Variants in AMMECR1 observed in about 807,000 individuals in gnomAD.
AMMECR1 encodes the protein AMMECR nuclear protein 1.
A neutral mutation model predicts 22.5 loss-of-function variants in AMMECR1; 3 were observed. That is an observed-to-expected ratio of 0.13 (90% CI 0.06 to 0.35). The LOEUF is 0.35. Among genes scored for constraint, AMMECR1 ranks in the 10% least tolerant of loss-of-function variants. The pLI is 1.00. For missense variants in AMMECR1, 235 were observed against 278.7 expected (o/e 0.84, Z 1.12); for synonymous variants, 130 against 116.7 (o/e 1.11, Z -0.74).
chrX:110,400,748 T>C (rs1192831447), intron 2 of AMMECR1, among the ~76,000 whole-genome samples: 2 of 112,051 alleles, frequency 1.8e-5, no homozygotes, highest in Non-Finnish European at 3.8e-5. Flanking sequence ...TAATGTTTTA[T>C]ATTTTATGGC....
chrX:110,335,573 C>T (rs1226617778), intron 2 of AMMECR1, among the ~76,000 whole-genome samples: 1 of 111,723 alleles, frequency 9.0e-6, no homozygotes, highest in African/African-American at 3.3e-5. Context: ...CAGCTTAGCA[C>T]AATGCCCTGA....
chrX:110,251,199 G>GC (rs1569387705), intron 2 of AMMECR1, among the ~76,000 whole-genome samples: 1 of 112,159 alleles, frequency 8.9e-6, no homozygotes, highest in African/African-American at 3.2e-5. Flanking sequence ...ACTGTGGAGC[G>GC]CAATTTCAAA....
intron 5 of AMMECR1, among the ~76,000 whole-genome samples, chrX:110,199,690 T>C (rs1469686383): frequency 9.0e-6 from 1 of 111,108 alleles, no homozygotes; most frequent in Admixed American, 9.6e-5. Flanking sequence ...ATTATTTTCA[T>C]ATCGATCCCA....
At chrX:110,249,745 C>G (rs1465231985) in intron 2 of AMMECR1, among the ~76,000 whole-genome samples, 4 of 111,771 alleles carry the variant, frequency 3.6e-5, no homozygotes. Context: ...ACTGAAAATA[C>G]AAAAATTAGC....
chrX:110,294,375 T>C (rs1212405779), intron 1 of AMMECR1, among the ~76,000 whole-genome samples: 6 of 112,074 alleles, frequency 5.4e-5, no homozygotes, highest in Non-Finnish European at 7.5e-5. Flanking sequence ...TGAAATGTGG[T>C]AAACAAATGC....
At chrX:110,347,971 G>A (rs2068197219) in intron 2 of AMMECR1, among the ~76,000 whole-genome samples, 2 of 111,998 alleles carry the variant, frequency 1.8e-5, no homozygotes, top group Admixed American at 9.5e-5. Flanking sequence ...TGGACCTGTT[G>A]GAAATTGACA....
intron 2 of AMMECR1, among the ~76,000 whole-genome samples, chrX:110,394,764 C>T (rs972203262): frequency 8.9e-6 from 1 of 112,555 alleles, no homozygotes. Flanking sequence ...TTAACCTCTC[C>T]GTGCTTCTGC....
At chrX:110,400,064 T>C (rs2068553681) in intron 2 of AMMECR1, among the ~76,000 whole-genome samples, 1 of 110,356 alleles carries the variant, frequency 9.1e-6, no homozygotes, top group Non-Finnish European at 1.9e-5. Flanking sequence ...CTCTGTGTGC[T>C]TAGAGGACTA....
chrX:110,397,663 C>T (rs2068536940), intron 2 of AMMECR1, among the ~76,000 whole-genome samples: 1 of 111,148 alleles, frequency 9.0e-6, no homozygotes, highest in African/African-American at 3.3e-5. Flanking sequence ...TGGTTTCTCT[C>T]TCCCTTTTGC....
chrX:110,399,656 T>C (rs912536276), intron 2 of AMMECR1, among the ~76,000 whole-genome samples: 81 of 111,933 alleles, frequency 7.2e-4, no homozygotes, highest in African/African-American at 2.6e-3. Context: ...AAATGATTAA[T>C]ATAATCTCAT....
intron 1 of AMMECR1, among the ~76,000 whole-genome samples, chrX:110,280,701 CTCTT>C (rs1185699659): frequency 8.9e-6 from 1 of 111,818 alleles, no homozygotes; most frequent in Non-Finnish European, 1.9e-5. Flanking sequence ...TTTCCTGACA[CTCTT>C]TCTATGGAAA....
At chrX:110,282,282 G>T (rs756761021) in intron 1 of AMMECR1, among the ~76,000 whole-genome samples, 1 of 110,572 alleles carries the variant, frequency 9.0e-6, no homozygotes, top group Non-Finnish European at 1.9e-5. Flanking sequence ...AAAAAATGTG[G>T]CATAGTTGGA....
chrX:110,274,924 C>A (rs184923914), intron 1 of AMMECR1, among the ~76,000 whole-genome samples: 186 of 111,704 alleles, frequency 1.7e-3, no homozygotes, highest in African/African-American at 5.9e-3. Flanking sequence ...TATCTTATTG[C>A]AACCTACTTT....
intron 2 of AMMECR1, among the ~76,000 whole-genome samples, chrX:110,372,630 T>G (rs747125961): frequency 7.1e-5 from 8 of 112,249 alleles, no homozygotes; most frequent in African/African-American, 2.6e-4. Flanking sequence ...TTAACAAGCC[T>G]CTATTATTAG....
At chrX:110,256,652 A>G (rs966209515) in intron 2 of AMMECR1, among the ~76,000 whole-genome samples, 1 of 111,503 alleles carries the variant, frequency 9.0e-6, no homozygotes, top group Non-Finnish European at 1.9e-5. Context: ...AGTGTTTAGC[A>G]TTTAAAGATC....
rs181618548 is a variant in AMMECR1, at chrX:110,251,662, G to A, written c.584+12827C>T. On this transcript the variant is annotated intron_variant, in intron 2 of 5. Transcript: ENST00000262844. ...GAGCCAGAATAAGAACCCAGACAAA[G>A]GCAGTGGCAGTGAGGCTGAAGAGGA... 1.3e-3 allele frequency among the ~76,000 whole-genome samples: 141 copies of A among 112,219 alleles called. 1 individual carries two copies. Among genetic ancestry groups the A allele is most frequent in the African/African-American group, 4.5e-3 (138 of 30,901 alleles).
upstream of AMMECR1, among the ~76,000 whole-genome samples, chrX:110,320,477 A>T (rs890356435): frequency 8.9e-6 from 1 of 112,218 alleles, no homozygotes; most frequent in African/African-American, 3.2e-5. Flanking sequence ...GATACCATGG[A>T]TGGCTGCTTC....
intron 2 of AMMECR1, among the ~76,000 whole-genome samples, chrX:110,413,371 G>C (rs940851426): frequency 9.0e-6 from 1 of 111,286 alleles, no homozygotes; most frequent in Non-Finnish European, 1.9e-5. Context: ...CCTAGGGCTG[G>C]GAGGTGGGGT....
chrX:110,261,760 A>G (rs1360313570), intron 2 of AMMECR1, among the ~76,000 whole-genome samples: 1 of 111,659 alleles, frequency 9.0e-6, no homozygotes, highest in Non-Finnish European at 1.9e-5. Context: ...TATAAAATTT[A>G]TAGTAACTTG....
Sources: gnomAD v4.1 joint callset for allele counts (sites outside exome capture counted in the v4.1 genomes callset) on GRCh38, gnomAD v4.1.1 for gene constraint, MANE v1.5 for transcripts, NCBI Gene and HGNC (gene_info 2026-07-23, HGNC 2026-07-21) for gene names.